Variants in CAMK4 observed in about 807,000 individuals in gnomAD.
The protein encoded by CAMK4 is calcium/calmodulin-dependent protein kinase type IV.
A neutral mutation model predicts 44.9 loss-of-function variants in CAMK4; 22 were observed. The ratio of observed to expected loss-of-function variants is 0.49; its 90% CI spans 0.35 to 0.70. The LOEUF (loss-of-function observed/expected upper bound fraction) is 0.70, where lower values mean the gene tolerates loss of function less well. CAMK4 is among the 30% of genes least tolerant of loss of function. The pLI, the probability that CAMK4 is intolerant of heterozygous loss-of-function variation, is 0.01. For missense variants in CAMK4, 498 were observed against 586.8 expected, an observed-to-expected ratio of 0.85 and a Z score of 1.56; for synonymous variants, 218 against 215.4, an observed-to-expected ratio of 1.01 and a Z score of -0.11.
chr5:111,312,799 C>T (rs1050563902), intron 1 of CAMK4, among the ~76,000 whole-genome samples: 2 of 152,222 alleles, frequency 1.3e-5, no homozygotes, highest in East Asian at 1.9e-4. Context: ...GATTTGTTAG[C>T]GGAGAGCCCT....
intron 2 of CAMK4, among the ~76,000 whole-genome samples, chr5:111,349,575 G>A (rs186419682): frequency 2.0e-5 from 3 of 152,002 alleles, no homozygotes. Context: ...TAAGCAGTTG[G>A]AAACTTCAAA....
intron 7 of CAMK4, among the ~76,000 whole-genome samples, chr5:111,469,850 A>T (rs1201180910): frequency 6.6e-6 from 1 of 152,232 alleles, no homozygotes; most frequent in Non-Finnish European, 1.5e-5. Context: ...TTAAAACTCA[A>T]AGTTAACTTG....
chr5:111,362,631 G>A (rs1750638100), intron 2 of CAMK4, among the ~76,000 whole-genome samples: 1 of 151,966 alleles, frequency 6.6e-6, no homozygotes, highest in African/African-American at 2.4e-5. Context: ...TATATAATAT[G>A]TGTTGATTTC....
At chr5:111,413,021 C>T (rs1249734095) in intron 5 of CAMK4, among the ~76,000 whole-genome samples, 6 of 152,154 alleles carry the variant, frequency 3.9e-5, no homozygotes, top group Non-Finnish European at 5.9e-5. Context: ...TGCTGTACGC[C>T]GCTGCTTCAA....
At position 111,487,864 on chromosome 5, in the gene CAMK4, G is replaced by A. The variant is rs1755687951; in HGVS notation, c.*3398G>A. The stretch of plus-strand genomic sequence containing the variant: ...GCTGGTGGGAGGCCACAAAGAAAGT[G>A]TTTCAGAAATGTTACACACTGAGTA... On this transcript the variant is annotated 3_prime_UTR_variant, in exon 11 of 11. Coordinates refer to ENST00000282356, the MANE Select transcript of CAMK4 (RefSeq NM_001744.6). The A allele has an allele frequency of 2.0e-5, 3 of 152,256 alleles. No homozygotes were observed. The highest frequency in any genetic ancestry group is 4.1e-4 in the South Asian group (2 of 4,826). 9.4% of individuals were successfully genotyped at this position (152,256 alleles called of 1,614,324 possible). A position where few individuals can be genotyped will look rare whatever the true frequency, so the allele number is the denominator to read the frequency against.
intron 5 of CAMK4, among the ~76,000 whole-genome samples, chr5:111,395,867 G>C (rs1751988184): frequency 6.6e-6 from 1 of 152,122 alleles, no homozygotes; most frequent in Non-Finnish European, 1.5e-5. Context: ...GGCCCAGGGA[G>C]GGGTATTTAT....
chr5:111,336,650 A>G (rs2112735562), intron 1 of CAMK4, among the ~76,000 whole-genome samples: 1 of 151,352 alleles, frequency 6.6e-6, no homozygotes, highest in African/African-American at 2.4e-5. Flanking sequence ...AATGATTTAT[A>G]TATGGAATTT....
chr5:111,234,425 G>C (rs76900097), intron 1 of CAMK4, among the ~76,000 whole-genome samples: 2,453 of 152,228 alleles, frequency 0.016, 42 homozygotes, highest in East Asian at 0.11. Context: ...ATCAAGCAGA[G>C]GGTGAACTTA....
chr5:111,462,736 T>C (rs919425991), intron 7 of CAMK4, among the ~76,000 whole-genome samples: 1 of 152,178 alleles, frequency 6.6e-6, no homozygotes, highest in African/African-American at 2.4e-5. Context: ...AGAAGGCAAA[T>C]TTAGCACCAG....
At chr5:111,460,147 A>G (rs1329471833) in intron 7 of CAMK4, among the ~76,000 whole-genome samples, 4 of 152,190 alleles carry the variant, frequency 2.6e-5, no homozygotes, top group African/African-American at 9.7e-5. Context: ...TTATTACAGA[A>G]AGGATATGCA....
At chr5:111,417,019 A>G (rs1752839175) in intron 5 of CAMK4, among the ~76,000 whole-genome samples, 1 of 152,188 alleles carries the variant, frequency 6.6e-6, no homozygotes, top group South Asian at 2.1e-4. Context: ...ATTTTGGTAA[A>G]TAAATATTGG....
At chr5:111,423,810 A>G (rs929339153) in intron 5 of CAMK4, among the ~76,000 whole-genome samples, 1 of 152,212 alleles carries the variant, frequency 6.6e-6, no homozygotes, top group Non-Finnish European at 1.5e-5. Flanking sequence ...CAATCTCGGT[A>G]ATAGTCCCAG....
chr5:111,478,089 G>A (rs1449355132), intron 8 of CAMK4, among the ~76,000 whole-genome samples: 3 of 150,218 alleles, frequency 2.0e-5, no homozygotes, highest in African/African-American at 7.3e-5. Flanking sequence ...GTTCTTCTGT[G>A]TAATAAGAAT....
intron 2 of CAMK4, among the ~76,000 whole-genome samples, chr5:111,344,668 T>C (rs1455708486): frequency 6.6e-6 from 1 of 151,746 alleles, no homozygotes; most frequent in Admixed American, 6.6e-5. Flanking sequence ...TAGAAGTTTG[T>C]ACTTGGAAAA....
chr5:111,433,790 T>C (rs1365656883), intron 5 of CAMK4, among the ~76,000 whole-genome samples: 1 of 152,196 alleles, frequency 6.6e-6, no homozygotes, highest in African/African-American at 2.4e-5. Flanking sequence ...GGCTAGGGCA[T>C]GGCAAGAATT....
chr5:111,464,327 G>A (rs1253163589), intron 7 of CAMK4, among the ~76,000 whole-genome samples: 2 of 152,062 alleles, frequency 1.3e-5, no homozygotes, highest in Admixed American at 1.3e-4. Flanking sequence ...CCTCCAAGAG[G>A]TTTGGGGTTA....
At chr5:111,336,458 A>G (rs1436969718) in intron 1 of CAMK4, among the ~76,000 whole-genome samples, 1 of 140,480 alleles carries the variant, frequency 7.1e-6, no homozygotes, top group East Asian at 2.1e-4. Context: ...TCAACTATTT[A>G]ATTTCAATTA....
chr5:111,423,237 C>G (rs764505551), intron 5 of CAMK4, among the ~76,000 whole-genome samples: 4 of 152,258 alleles, frequency 2.6e-5, no homozygotes, highest in Non-Finnish European at 5.9e-5. Flanking sequence ...TGCAGGAGAG[C>G]ACTTTCCATG....
At chr5:111,302,299 A>C (rs1561396232) in intron 1 of CAMK4, 2 of 153,122 alleles carry the variant, frequency 1.3e-5, no homozygotes, top group African/African-American at 4.8e-5. Context: ...AGCGACGCAG[A>C]AGACGGGTGA....
Sources: gnomAD v4.1 joint callset for allele counts (sites outside exome capture counted in the v4.1 genomes callset) on GRCh38, gnomAD v4.1.1 for gene constraint, MANE v1.5 for transcripts, NCBI Gene and HGNC (gene_info 2026-07-23, HGNC 2026-07-21) for gene names.